The following GRM7 variants were observed in gnomAD, a reference collection of about 807,000 sequenced individuals.
GRM7 encodes the protein metabotropic glutamate receptor 7.
In GRM7, 35 loss-of-function variants were observed where a neutral mutation model predicts 84.5. The observed-to-expected ratio is 0.41, with a 90% CI of 0.32 to 0.55. The LOEUF (loss-of-function observed/expected upper bound fraction) is 0.55. Among genes scored for constraint, GRM7 ranks in the 20% least tolerant of loss-of-function variants. The pLI, the probability that GRM7 is intolerant of heterozygous loss-of-function variation, is 0.19. For synonymous variants in GRM7, 487 were observed against 455.1 expected (o/e 1.07, Z -0.89); for missense variants, 1,003 against 1,194.6 (o/e 0.84, Z 2.36).
chr3:7,411,709 C>T (rs1007432641), intron 4 of GRM7, among the ~76,000 whole-genome samples: 1 of 152,112 alleles, frequency 6.6e-6, no homozygotes, highest in African/African-American at 2.4e-5. Flanking sequence ...ATTTCATAGG[C>T]ATTTGGGTTG....
At chr3:6,960,792 T>C (rs889781159) in intron 1 of GRM7, among the ~76,000 whole-genome samples, 1 of 152,164 alleles carries the variant, frequency 6.6e-6, no homozygotes, top group Non-Finnish European at 1.5e-5. Context: ...AATGCCTTTT[T>C]CTGCTCCTTC....
At chr3:7,373,891 G>A (rs1483214663) in intron 4 of GRM7, among the ~76,000 whole-genome samples, 24 of 152,192 alleles carry the variant, frequency 1.6e-4, no homozygotes, top group Non-Finnish European at 1.5e-5. Context: ...TTGTATGATA[G>A]AGGAACTGCA....
At position 6,881,620 on chromosome 3, in the gene GRM7, T is replaced by A. The variant is rs1040682062; in HGVS notation, c.519+19713T>A. On this transcript the variant is annotated intron_variant, in intron 1 of 9. Transcript: ENST00000357716. ...AAGAAAAAAAAAACCTCATTAAAAA[T>A]GGGCAAAGGACATGAACAGATACTT... is the stretch of plus-strand genomic sequence containing the variant. Among the ~76,000 whole-genome samples the A allele has an allele frequency of 5.9e-5, 9 of 151,492 alleles. 1 individual carries two copies. In the South Asian group the frequency reaches 1.7e-3, roughly 28 times the overall value.
intron 1 of GRM7, among the ~76,000 whole-genome samples, chr3:7,037,117 A>G (rs1696416424): frequency 6.6e-6 from 1 of 152,216 alleles, no homozygotes; most frequent in Non-Finnish European, 1.5e-5. Context: ...ATTTTTAGAA[A>G]TATTTAAACA....
chr3:7,272,277 C>T (rs925544430), intron 2 of GRM7, among the ~76,000 whole-genome samples: 2 of 152,126 alleles, frequency 1.3e-5, no homozygotes, highest in Non-Finnish European at 2.9e-5. Context: ...AAAGAATATG[C>T]ATGCTCATTT....
At chr3:7,454,086 A>ACT (rs1378379871) in intron 6 of GRM7, among the ~76,000 whole-genome samples, 13 of 110,590 alleles carry the variant, frequency 1.2e-4, no homozygotes, top group African/African-American at 4.6e-4. Context: ...AAAGCTACAC[A>ACT]CACACTCTCT....
rs1307638644 is a variant in GRM7 at position 7,741,090 on chromosome 3, G to T, written c.*684G>T. Reference sequence around the variant, plus strand: ...CCCCACCTATCTTTGGTATATGATAGGTTACATAAAAGGAAGGTATTGGCT... The same window carrying T: ...CCCCACCTATCTTTGGTATATGATATGTTACATAAAAGGAAGGTATTGGCT... On this transcript the variant is annotated 3_prime_UTR_variant, in exon 10 of 10. Transcript: ENST00000357716. 1 of 152,178 alleles carries T rather than the reference G, an allele frequency of 6.6e-6. No homozygotes were observed. The allele number at this position is 152,178 out of a possible 1,614,324, so 9.4% of individuals were successfully genotyped here.
intron 7 of GRM7, among the ~76,000 whole-genome samples, chr3:7,574,170 T>A (rs1694841623): frequency 2.6e-5 from 4 of 151,480 alleles, no homozygotes; most frequent in African/African-American, 9.7e-5. Flanking sequence ...GCTTTTTTTT[T>A]TTTTTTTGAG....
intron 8 of GRM7, among the ~76,000 whole-genome samples, chr3:7,676,067 C>T (rs1266081852): frequency 1.3e-5 from 2 of 152,022 alleles, no homozygotes; most frequent in African/African-American, 2.4e-5. Context: ...GTGCAAACTC[C>T]GCCTCCTGGG....
chr3:7,528,247 C>T (rs1024415842), intron 7 of GRM7, among the ~76,000 whole-genome samples: 2 of 152,012 alleles, frequency 1.3e-5, no homozygotes, highest in East Asian at 3.9e-4. Context: ...CTGATTAAAT[C>T]TTGGAAGGTT....
intron 2 of GRM7, among the ~76,000 whole-genome samples, chr3:7,198,498 G>T (rs970915189): frequency 6.6e-6 from 1 of 152,038 alleles, no homozygotes; most frequent in Non-Finnish European, 1.5e-5. Context: ...TTATAATGGG[G>T]TTATGTCCTG....
intron 8 of GRM7, among the ~76,000 whole-genome samples, chr3:7,614,415 A>G (rs1696988411): frequency 6.6e-6 from 1 of 152,162 alleles, no homozygotes; most frequent in Non-Finnish European, 1.5e-5. Context: ...GCAAGGAACA[A>G]CCCAGAATCT....
chr3:7,243,331 C>T (rs771691556), intron 2 of GRM7, among the ~76,000 whole-genome samples: 3 of 152,014 alleles, frequency 2.0e-5, no homozygotes, highest in South Asian at 4.1e-4. Flanking sequence ...AGGCTTGATT[C>T]AGTGGATCAA....
At chr3:7,087,261 C>T (rs1559430530) in intron 1 of GRM7, among the ~76,000 whole-genome samples, 1 of 152,072 alleles carries the variant, frequency 6.6e-6, no homozygotes, top group Non-Finnish European at 1.5e-5. Context: ...ACGTCACTCC[C>T]CTCCTGAAAA....
chr3:6,966,864 A>T (rs1421775091), intron 1 of GRM7, among the ~76,000 whole-genome samples: 2 of 152,200 alleles, frequency 1.3e-5, no homozygotes, highest in Non-Finnish European at 2.9e-5. Flanking sequence ...TCTTGGTCCT[A>T]CCATTTATAA....
At chr3:7,625,992 A>G (rs765222201) in intron 8 of GRM7, among the ~76,000 whole-genome samples, 1 of 152,190 alleles carries the variant, frequency 6.6e-6, no homozygotes, top group African/African-American at 2.4e-5. Flanking sequence ...TTGTCCTTAT[A>G]GCTGAGAAAG....
chr3:7,036,413 C>T (rs1696386686), intron 1 of GRM7, among the ~76,000 whole-genome samples: 1 of 152,066 alleles, frequency 6.6e-6, no homozygotes, highest in Non-Finnish European at 1.5e-5. Flanking sequence ...ATGGCATGAA[C>T]AGTAATTTTG....
chr3:7,162,281 TG>T (rs1458357512), intron 2 of GRM7, among the ~76,000 whole-genome samples: 1 of 152,144 alleles, frequency 6.6e-6, no homozygotes, highest in Non-Finnish European at 1.5e-5. Flanking sequence ...GTGGAGAAGA[TG>T]CCTGGGAACT....
At chr3:7,550,035 C>T (rs1187506593) in intron 7 of GRM7, among the ~76,000 whole-genome samples, 3 of 152,132 alleles carry the variant, frequency 2.0e-5, no homozygotes, top group Non-Finnish European at 4.4e-5. Context: ...ATTTTTACCA[C>T]CATCATCCTC....
Sources: allele counts gnomAD v4.1 joint callset (sites outside exome capture counted in the v4.1 genomes callset), GRCh38; gene constraint gnomAD v4.1.1; transcripts MANE v1.5; gene names NCBI Gene and HGNC (gene_info 2026-07-23, HGNC 2026-07-21).